The following RHOBTB1 variants were observed in gnomAD, a reference collection of about 807,000 sequenced individuals.
RHOBTB1 encodes the protein Rho related BTB domain containing 1.
In RHOBTB1, 40 loss-of-function variants were observed where a neutral mutation model predicts 71.6. The ratio of observed to expected loss-of-function variants is 0.56; its 90% confidence interval spans 0.43 to 0.73. The LOEUF (loss-of-function observed/expected upper bound fraction) is 0.73, where lower values mean the gene tolerates loss of function less well. RHOBTB1 is among the 30% of genes least tolerant of loss of function. RHOBTB1 has a pLI of 0.00. For missense variants in RHOBTB1, 797 were observed against 894.0 expected (o/e 0.89, Z 1.38); for synonymous variants, 319 against 334.9 (o/e 0.95, Z 0.52).
chr10:60,978,753 CT>C (rs1234178330), intron 2 of RHOBTB1, among the ~76,000 whole-genome samples: 2 of 152,076 alleles, frequency 1.3e-5, no homozygotes, highest in African/African-American at 4.8e-5. Flanking sequence ...TCTTCTTTTT[CT>C]TTTTTTAATA....
At chr10:60,981,349 T>C (rs1589453762) in intron 2 of RHOBTB1, among the ~76,000 whole-genome samples, 1 of 152,148 alleles carries the variant, frequency 6.6e-6, no homozygotes, top group East Asian at 1.9e-4. Flanking sequence ...ATGCCAAATA[T>C]TTTGTGTCTC....
At chr10:60,949,996 T>G (rs2085358418) in intron 2 of RHOBTB1, among the ~76,000 whole-genome samples, 1 of 152,190 alleles carries the variant, frequency 6.6e-6, no homozygotes, top group Admixed American at 6.5e-5. Flanking sequence ...GGTTTTCTGT[T>G]GGGGTAGGGT....
At chr10:60,933,996 A>G (rs2084416747) in intron 2 of RHOBTB1, among the ~76,000 whole-genome samples, 1 of 152,220 alleles carries the variant, frequency 6.6e-6, no homozygotes, top group Admixed American at 6.5e-5. Context: ...TTTATAGGAT[A>G]GGATTATAAT....
intron 2 of RHOBTB1, among the ~76,000 whole-genome samples, chr10:60,982,398 G>T (rs749304844): frequency 3.3e-5 from 5 of 152,138 alleles, no homozygotes; most frequent in South Asian, 4.1e-4. Context: ...ATTATACTAA[G>T]ATTTTTGAGG....
intron 4 of RHOBTB1, among the ~76,000 whole-genome samples, chr10:60,908,124 T>C (rs933428858): frequency 1.3e-5 from 2 of 152,186 alleles, no homozygotes; most frequent in East Asian, 3.9e-4. Flanking sequence ...ATCAGGAACA[T>C]TGCAAATTCA....
intron 2 of RHOBTB1, among the ~76,000 whole-genome samples, chr10:60,936,251 CT>C (rs1342977741): frequency 6.6e-6 from 1 of 152,190 alleles, no homozygotes; most frequent in Admixed American, 6.5e-5. Flanking sequence ...CCTTAATCAA[CT>C]GCAACATAGG....
intron 2 of RHOBTB1, among the ~76,000 whole-genome samples, chr10:60,923,432 G>A: frequency 6.6e-6 from 1 of 152,184 alleles, no homozygotes; most frequent in East Asian, 1.9e-4. Context: ...CAAATTGAAA[G>A]CCGTGCTGGC....
intron 4 of RHOBTB1, among the ~76,000 whole-genome samples, chr10:60,909,494 C>T (rs1462989114): frequency 6.6e-6 from 1 of 152,076 alleles, no homozygotes; most frequent in African/African-American, 2.4e-5. Flanking sequence ...TAAAAAAGTC[C>T]TTTGAAATCT....
intron 2 of RHOBTB1, among the ~76,000 whole-genome samples, chr10:60,926,039 G>T (rs949887211): frequency 1.3e-5 from 2 of 151,902 alleles, no homozygotes; most frequent in Non-Finnish European, 2.9e-5. Flanking sequence ...AAGACCAGCC[G>T]GACCAACATG....
intron 8 of RHOBTB1, among the ~76,000 whole-genome samples, chr10:60,875,632 TCTATTTGAGGAATTA>T (rs2081015792): frequency 2.0e-5 from 3 of 152,100 alleles, no homozygotes; most frequent in Non-Finnish European, 4.4e-5. Flanking sequence ...GAGGAATGAG[TCTATTTGAGGAATTA>T]AAAATGTGAT....
At chr10:60,897,797 C>T (rs2132956504) in intron 4 of RHOBTB1, among the ~76,000 whole-genome samples, 1 of 152,252 alleles carries the variant, frequency 6.6e-6, no homozygotes, top group Non-Finnish European at 1.5e-5. Flanking sequence ...ACCTCCACCT[C>T]CCGGGTTCAA....
chr10:60,881,302 C>T lies in RHOBTB1; in HGVS notation c.1576-3244G>A, dbSNP rs138676308. Among the ~76,000 whole-genome samples, 259 of 152,264 alleles carry T rather than the reference C, an allele frequency of 1.7e-3. 1 individual carries two copies. The highest frequency in any genetic ancestry group is 5.9e-3 in the African/African-American group (246 of 41,552). On this transcript the variant is annotated intron_variant, in intron 7 of 10. Coordinates refer to ENST00000337910, the MANE Select transcript of RHOBTB1 (RefSeq NM_014836.5). ...TCTTCATTAGCAGCATGAAAATGGACTAATACAATTAGTATAGTTTTTTAA... is the reference window on the plus strand; with the variant it reads ...TCTTCATTAGCAGCATGAAAATGGATTAATACAATTAGTATAGTTTTTTAA...
chr10:60,994,377 G>A (rs982115054), intron 1 of RHOBTB1, among the ~76,000 whole-genome samples: 5 of 152,140 alleles, frequency 3.3e-5, no homozygotes, highest in South Asian at 2.1e-4. Flanking sequence ...CTTCTCTGAG[G>A]AGGTGACATC....
At chr10:60,879,738 C>T (rs1004416108) in intron 7 of RHOBTB1, among the ~76,000 whole-genome samples, 1 of 152,018 alleles carries the variant, frequency 6.6e-6, no homozygotes, top group Non-Finnish European at 1.5e-5. Context: ...ATCTTTATAA[C>T]ATGGTTACAT....
rs756153141 is a variant in RHOBTB1 at position 60,891,334 on chromosome 10, C to CTTTTTTTTT, written c.482+1467_482+1475dup. 4.9e-4 allele frequency among the ~76,000 whole-genome samples: 35 copies of CTTTTTTTTT among 71,320 alleles called. 1 individual carries two copies. The highest frequency in any genetic ancestry group is 0.016 in the Middle Eastern group (1 of 64). The allele number at this position is 71,320 out of a possible 152,430, so 46.8% of individuals were successfully genotyped here. A position where few individuals can be genotyped will look rare whatever the true frequency, so the allele number is the denominator to read the frequency against. ...GGATTTTTGTTGTTGTTGCTGTTTGCTTTTTTTTTTTTTTTTTTTTTTTTG... is the reference window on the plus strand; with the variant it reads ...GGATTTTTGTTGTTGTTGCTGTTTGCTTTTTTTTTTTTTTTTTTTTTTTTTTTTTTTTTG... On this transcript the variant is annotated intron_variant, in intron 5 of 10. Transcript: ENST00000337910.
intron 2 of RHOBTB1, among the ~76,000 whole-genome samples, chr10:60,914,902 C>T (rs1487500999): frequency 1.3e-5 from 2 of 152,138 alleles, no homozygotes; most frequent in Non-Finnish European, 2.9e-5. Flanking sequence ...GACCCTTGTG[C>T]AAAAGGGATA....
upstream of RHOBTB1, among the ~76,000 whole-genome samples, chr10:60,944,680 G>A (rs2085139908): frequency 6.6e-6 from 1 of 152,178 alleles, no homozygotes; most frequent in African/African-American, 2.4e-5. Context: ...CTTCCCCCTA[G>A]GAGCTGACCG....
chr10:60,976,587 A>G (rs2134742664), intron 2 of RHOBTB1, among the ~76,000 whole-genome samples: 1 of 152,108 alleles, frequency 6.6e-6, no homozygotes, highest in African/African-American at 2.4e-5. Flanking sequence ...TTTGTTTTAA[A>G]GATTCAGTTT....
chr10:60,973,094 T>A (rs948337415), intron 2 of RHOBTB1, among the ~76,000 whole-genome samples: 1 of 152,102 alleles, frequency 6.6e-6, no homozygotes, highest in African/African-American at 2.4e-5. Context: ...CTGTTAATTT[T>A]TTTTTATGAT....
Sources: allele counts gnomAD v4.1 joint callset (sites outside exome capture counted in the v4.1 genomes callset), GRCh38; gene constraint gnomAD v4.1.1; transcripts MANE v1.5; gene names NCBI Gene and HGNC (gene_info 2026-07-23, HGNC 2026-07-21).